The following MCC variants were observed in gnomAD, a reference collection of about 807,000 sequenced individuals.
MCC encodes colorectal mutant cancer protein.
MCC carries 90 observed loss-of-function variants against 116.2 expected under a neutral mutation model. That is an observed-to-expected ratio of 0.77 (90% confidence interval 0.65 to 0.92). The LOEUF is 0.92. Among genes scored for constraint, MCC ranks in the 40% least tolerant of loss-of-function variants. The probability of loss-of-function intolerance (pLI) is 0.00; values close to 1 mark genes in which losing one functional copy is unlikely to be tolerated. For missense variants in MCC, 1,516 were observed against 1,312.2 expected (o/e 1.16, Z -2.40); for synonymous variants, 578 against 510.5 (o/e 1.13, Z -1.78).
intron 2 of MCC, among the ~76,000 whole-genome samples, chr5:113,355,235 C>T (rs1432640721): frequency 6.6e-6 from 1 of 152,192 alleles, no homozygotes; most frequent in African/African-American, 2.4e-5. Flanking sequence ...CCTCAAAGGG[C>T]ACCAACAAGG....
intron 1 of MCC, among the ~76,000 whole-genome samples, chr5:113,478,739 G>C (rs1232854967): frequency 6.6e-6 from 1 of 152,154 alleles, no homozygotes; most frequent in African/African-American, 2.4e-5. Flanking sequence ...AGGGTCTTTA[G>C]ATAAGAGGAA....
chr5:113,389,987 G>A (rs760218758), intron 1 of MCC, among the ~76,000 whole-genome samples: 24 of 152,040 alleles, frequency 1.6e-4, no homozygotes, highest in Non-Finnish European at 3.2e-4. Context: ...TCTGCCCTAG[G>A]CAAGGAAAGT....
chr5:113,463,066 C>T (rs950267978), intron 1 of MCC, among the ~76,000 whole-genome samples: 7 of 152,146 alleles, frequency 4.6e-5, no homozygotes, highest in Non-Finnish European at 8.8e-5. Flanking sequence ...GCTGAGTTTA[C>T]AGTTTGAGAA....
intron 3 of MCC, among the ~76,000 whole-genome samples, chr5:113,272,118 T>A (rs1765639135): frequency 6.6e-6 from 1 of 152,224 alleles, no homozygotes. Context: ...TATCTTTTTC[T>A]GGATTTTGCT....
At chr5:113,171,993 T>C (rs1277634191) in intron 3 of MCC, among the ~76,000 whole-genome samples, 1 of 152,182 alleles carries the variant, frequency 6.6e-6, no homozygotes, top group Non-Finnish European at 1.5e-5. Context: ...TATCCAAATG[T>C]TGACTGACTT....
At chr5:113,334,188 T>TTATATATATTA (rs962382269) in intron 3 of MCC, among the ~76,000 whole-genome samples, 1 of 148,242 alleles carries the variant, frequency 6.7e-6, no homozygotes, top group African/African-American at 2.5e-5. Flanking sequence ...TTTAGAATAT[T>TTATATATATTA]TATATATATT....
chr5:113,445,882 G>C (rs1007681343), intron 1 of MCC, among the ~76,000 whole-genome samples: 2 of 152,088 alleles, frequency 1.3e-5, no homozygotes, highest in Non-Finnish European at 2.9e-5. Context: ...AAACAGCATG[G>C]TACTGGTACA....
At chr5:113,075,400 GC>G in intron 11 of MCC, among the ~76,000 whole-genome samples, 1 of 152,304 alleles carries the variant, frequency 6.6e-6, no homozygotes, top group South Asian at 2.1e-4. Context: ...CCCATCGACC[GC>G]CCAAGGGCTG....
At chr5:113,068,628 G>A (rs1753796954) in intron 12 of MCC, among the ~76,000 whole-genome samples, 2 of 152,192 alleles carry the variant, frequency 1.3e-5, no homozygotes, top group South Asian at 2.1e-4. Context: ...AAAAAACCCT[G>A]ACTTCCATCT....
intron 3 of MCC, among the ~76,000 whole-genome samples, chr5:113,157,081 G>A (rs940152160): frequency 3.9e-5 from 6 of 152,168 alleles, no homozygotes; most frequent in Non-Finnish European, 7.3e-5. Context: ...CACTTCATAA[G>A]GTGCCCTTGA....
rs767821747 is a variant in MCC, at chr5:113,151,458, A to G, written c.628-36T>C. The G allele has an allele frequency of 1.5e-5, 18 of 1,169,476 alleles. No individual in the cohort carries two copies. The Admixed American group carries it at 3.3e-4, about 21-fold the overall frequency. 72.4% of individuals were successfully genotyped at this position (1,169,476 alleles called of 1,614,324 possible). The stretch of plus-strand genomic sequence containing the variant: ...AGAAAGGAGGAGATTAGAGTATTGT[A>G]GCAGAGATGTATTTCCTTCCCTTCA... On this transcript the variant is annotated intron_variant, in intron 3 of 18. Coordinates refer to ENST00000408903, the MANE Select transcript of MCC (RefSeq NM_001085377.2).
Position 113,044,699 on chromosome 5 carries a change from C to T in MCC, c.2656-1069G>A, listed in dbSNP as rs374404109. ...AAGCGATTCTCCCACCTCAGCCTCCCGAGTAGCTGGGATTACAGGCATGTG... is the reference window on the plus strand; with the variant it reads ...AAGCGATTCTCCCACCTCAGCCTCCTGAGTAGCTGGGATTACAGGCATGTG... On this transcript the variant is annotated intron_variant, in intron 16 of 18. Coordinates refer to ENST00000408903, the MANE Select transcript of MCC (RefSeq NM_001085377.2). 2.4e-3 allele frequency among the ~76,000 whole-genome samples: 369 copies of T among 152,266 alleles called. 1 individual carries two copies. Among genetic ancestry groups the T allele is most frequent in the African/African-American group, 8.7e-3 (361 of 41,546 alleles).
chr5:113,320,411 T>C (rs1018379089), intron 3 of MCC, among the ~76,000 whole-genome samples: 1 of 150,158 alleles, frequency 6.7e-6, no homozygotes, highest in African/African-American at 2.5e-5. Context: ...GGTGATAACA[T>C]TGTACACAAG....
intron 3 of MCC, among the ~76,000 whole-genome samples, chr5:113,326,923 G>A (rs1354629044): frequency 1.3e-5 from 2 of 152,170 alleles, no homozygotes; most frequent in Non-Finnish European, 2.9e-5. Context: ...CTTAAAGAGA[G>A]TGCAGCATTT....
intron 3 of MCC, chr5:113,294,964 G>A: frequency 2.0e-6 from 2 of 985,598 alleles, no homozygotes; most frequent in African/African-American, 1.7e-5. Context: ...GAACACAGCT[G>A]TCTAGCTGCT....
chr5:113,039,183 A>G (rs1419152157), intron 17 of MCC, among the ~76,000 whole-genome samples: 1 of 152,170 alleles, frequency 6.6e-6, no homozygotes, highest in Non-Finnish European at 1.5e-5. Context: ...CCCAGCACTG[A>G]GGAAGCACAG....
At chr5:113,311,504 T>C (rs568768657) in intron 3 of MCC, among the ~76,000 whole-genome samples, 1 of 152,170 alleles carries the variant, frequency 6.6e-6, no homozygotes, top group Non-Finnish European at 1.5e-5. Context: ...TCCTCAGATA[T>C]ATGAGTGAGT....
At chr5:113,219,359 T>G (rs912762450) in intron 3 of MCC, among the ~76,000 whole-genome samples, 3 of 152,206 alleles carry the variant, frequency 2.0e-5, no homozygotes, top group African/African-American at 7.2e-5. Context: ...TGAACTCCTG[T>G]GAGGACTTCC....
chr5:113,022,776 T>C lies in MCC; in HGVS notation c.*4526A>G, dbSNP rs1439821775. 1.3e-5 allele frequency: 2 copies of C among 152,226 alleles called. No homozygotes were observed. Among genetic ancestry groups the C allele is most frequent in the East Asian group, 1.9e-4 (1 of 5,196 alleles). 9.4% of individuals were successfully genotyped at this position (152,226 alleles called of 1,614,324 possible). ...CTTGCTTTGTTCTGCTGAGCTGATA[T>C]TTCACCTGATTAGCAGATGGATGAC... On this transcript the variant is annotated 3_prime_UTR_variant, in exon 19 of 19. Coordinates refer to ENST00000408903, the MANE Select transcript of MCC (RefSeq NM_001085377.2).
Sources: allele counts gnomAD v4.1 joint callset (sites outside exome capture counted in the v4.1 genomes callset), GRCh38; gene constraint gnomAD v4.1.1; transcripts MANE v1.5; gene names NCBI Gene and HGNC (gene_info 2026-07-23, HGNC 2026-07-21).